The following CHN2 variants were observed in gnomAD, a reference collection of about 807,000 sequenced individuals.
CHN2 encodes beta-chimaerin.
In CHN2, 35 loss-of-function variants were observed where a neutral mutation model predicts 56.3. The observed-to-expected ratio is 0.62, with a 90% CI of 0.47 to 0.82. CHN2 has a LOEUF of 0.82. Among genes scored for constraint, CHN2 ranks in the 40% least tolerant of loss-of-function variants. The pLI is 0.00. For missense variants in CHN2, 491 were observed against 580.5 expected (o/e 0.85, Z 1.58); for synonymous variants, 210 against 212.8 (o/e 0.99, Z 0.12).
intron 1 of CHN2, chr7:29,146,802 A>G (rs1406718776): frequency 5.8e-6 from 9 of 1,549,564 alleles, no homozygotes; most frequent in South Asian, 4.8e-5. Flanking sequence ...AAAAGCTGCT[A>G]TCTTAAAATT....
chr7:29,213,038 C>A, intron 1 of CHN2: 1 of 1,605,166 alleles, frequency 6.2e-7, no homozygotes, highest in Non-Finnish European at 8.5e-7. Context: ...GGAGAGGAAT[C>A]TCTGCAGTCC....
chr7:29,393,385 T>G (rs1198323019), intron 3 of CHN2, among the ~76,000 whole-genome samples: 4 of 152,202 alleles, frequency 2.6e-5, no homozygotes, highest in Admixed American at 2.6e-4. Context: ...CCTTATAATA[T>G]CCTTACAAAT....
intron 2 of CHN2, among the ~76,000 whole-genome samples, chr7:29,159,517 C>T (rs1166260038): frequency 1.3e-5 from 2 of 152,134 alleles, no homozygotes. Context: ...TATCATGTAA[C>T]ATGTATGTGT....
At chr7:29,383,318 C>A (rs971057259) in intron 3 of CHN2, among the ~76,000 whole-genome samples, 2 of 152,100 alleles carry the variant, frequency 1.3e-5, no homozygotes, top group Non-Finnish European at 2.9e-5. Context: ...TGATTCCAGT[C>A]TGGGTCTGAA....
At chr7:29,251,061 G>C (rs973019105) in intron 1 of CHN2, among the ~76,000 whole-genome samples, 1 of 152,098 alleles carries the variant, frequency 6.6e-6, no homozygotes, top group South Asian at 2.1e-4. Context: ...ATTAATTATG[G>C]GCAAGGATGG....
intron 6 of CHN2, chr7:29,445,092 A>G (rs1783935069): frequency 2.2e-6 from 1 of 455,260 alleles, no homozygotes; most frequent in East Asian, 6.9e-5. Flanking sequence ...ATGTTTGGTT[A>G]GTCATTCTCC....
intron 6 of CHN2, among the ~76,000 whole-genome samples, chr7:29,470,942 T>A (rs572649482): frequency 2.0e-5 from 3 of 152,166 alleles, no homozygotes; most frequent in Admixed American, 6.5e-5. Context: ...GAAAAGCAAA[T>A]GAATATGGAA....
At chr7:29,473,332 G>A (rs1336787503) in intron 6 of CHN2, among the ~76,000 whole-genome samples, 2 of 152,164 alleles carry the variant, frequency 1.3e-5, no homozygotes, top group Non-Finnish European at 2.9e-5. Context: ...CTTGAGATTA[G>A]TGTGGTCAGT....
intron 1 of CHN2, chr7:29,213,253 G>A: frequency 1.0e-6 from 1 of 976,092 alleles, no homozygotes; most frequent in Non-Finnish European, 1.6e-6. Context: ...TTCACTCTGG[G>A]TAGTGGCTGA....
At chr7:29,189,457 C>T (rs1799130079) in intron 2 of CHN2, among the ~76,000 whole-genome samples, 1 of 152,080 alleles carries the variant, frequency 6.6e-6, no homozygotes, top group African/African-American at 2.4e-5. Flanking sequence ...ACACGAAAAA[C>T]AAACTCACTC....
intron 1 of CHN2, among the ~76,000 whole-genome samples, chr7:29,204,283 A>T (rs558500339): frequency 1.3e-5 from 2 of 152,114 alleles, no homozygotes; most frequent in Non-Finnish European, 2.9e-5. Context: ...TCAAATTTAT[A>T]TCGTATATAA....
At chr7:29,152,867 C>T (rs2078583161) in intron 2 of CHN2, among the ~76,000 whole-genome samples, 1 of 152,232 alleles carries the variant, frequency 6.6e-6, no homozygotes, top group African/African-American at 2.4e-5. Flanking sequence ...GCAAATTCTC[C>T]TCCATGGTCT....
intron 1 of CHN2, among the ~76,000 whole-genome samples, chr7:29,277,031 C>T (rs576604858): frequency 2.2e-4 from 33 of 152,314 alleles, no homozygotes; most frequent in Non-Finnish European, 4.4e-4. Flanking sequence ...TGGGTTACCA[C>T]ATGTTGCCAG....
rs550502648 is a variant in CHN2, at chr7:29,357,196, A to C, written c.88+2533A>C. The stretch of plus-strand genomic sequence containing the variant: ...GGATCTAACCAAGTTGTGTGTTTTA[A>C]AAATTTGCTCTATAATCATAAAACT... On this transcript the variant is annotated intron_variant, in intron 2 of 12. Coordinates refer to ENST00000222792, the MANE Select transcript of CHN2 (RefSeq NM_004067.4). Among the ~76,000 whole-genome samples, 3 of 152,316 alleles carry C rather than the reference A, an allele frequency of 2.0e-5. No homozygotes were observed. The East Asian group carries it at 5.8e-4, about 29-fold the overall frequency.
At chr7:29,311,388 C>G (rs1794594969) in intron 1 of CHN2, among the ~76,000 whole-genome samples, 2 of 152,370 alleles carry the variant, frequency 1.3e-5, no homozygotes, top group Admixed American at 6.5e-5. Context: ...TCTGAATCCT[C>G]TCACAGAACC....
chr7:29,440,910 T>G (rs1258436621), intron 6 of CHN2, among the ~76,000 whole-genome samples: 1 of 152,146 alleles, frequency 6.6e-6, no homozygotes, highest in African/African-American at 2.4e-5. Flanking sequence ...AACTTATTTT[T>G]TGTTTTTTAT....
chr7:29,288,355 T>G (rs1792322320), intron 1 of CHN2, among the ~76,000 whole-genome samples: 1 of 152,220 alleles, frequency 6.6e-6, no homozygotes, highest in South Asian at 2.1e-4. Flanking sequence ...TTAAATAACA[T>G]GTTTAATTTT....
chr7:29,460,393 C>G (rs1034213904), intron 6 of CHN2, among the ~76,000 whole-genome samples: 3 of 152,208 alleles, frequency 2.0e-5, no homozygotes, highest in Non-Finnish European at 4.4e-5. Flanking sequence ...GCCCTGGATT[C>G]GTGCCTCCCT....
intron 1 of CHN2, among the ~76,000 whole-genome samples, chr7:29,205,776 C>T (rs1356425571): frequency 6.6e-6 from 1 of 152,188 alleles, no homozygotes; most frequent in Non-Finnish European, 1.5e-5. Context: ...AGGAACACCA[C>T]TGTTTATACT....
Sources: gnomAD v4.1 joint callset for allele counts (sites outside exome capture counted in the v4.1 genomes callset) on GRCh38, gnomAD v4.1.1 for gene constraint, MANE v1.5 for transcripts, NCBI Gene and HGNC (gene_info 2026-07-23, HGNC 2026-07-21) for gene names.